The following PALLD variants were observed in gnomAD, a reference collection of about 807,000 sequenced individuals.
PALLD encodes the protein palladin, cytoskeletal associated protein.
In PALLD, 61 loss-of-function variants were observed where a neutral mutation model predicts 123.5. The observed-to-expected ratio is 0.49, with a 90% confidence interval of 0.40 to 0.61. The LOEUF (loss-of-function observed/expected upper bound fraction) is 0.61. Ranked by LOEUF, PALLD falls within the 20% of genes least tolerant of loss-of-function variation. PALLD has a pLI of 0.00. For missense variants in PALLD, 1,273 were observed against 1,377.0 expected, an observed-to-expected ratio of 0.92 and a Z score of 1.20; for synonymous variants, 465 against 496.4, an observed-to-expected ratio of 0.94 and a Z score of 0.84.
At chr4:168,846,255 GTCTCAAGTT>G (rs1746827387) in intron 10 of PALLD, among the ~76,000 whole-genome samples, 1 of 152,222 alleles carries the variant, frequency 6.6e-6, no homozygotes, top group African/African-American at 2.4e-5. Context: ...TCAAGGGGAA[GTCTCAAGTT>G]TTCTCATGTT....
At chr4:168,759,179 C>CAAAAAAAAAAAAA (rs1175955888) in intron 10 of PALLD, among the ~76,000 whole-genome samples, 1 of 9,050 alleles carries the variant, frequency 1.1e-4, no homozygotes, top group Non-Finnish European at 1.5e-4. Context: ...GACTCCATCT[C>CAAAAAAAAAAAAA]AAAAAAAAAA....
At position 168,903,871 on chromosome 4, in the gene PALLD, G is replaced by C. The variant is rs768268615; in HGVS notation, c.2587G>C (p.Asp863His). The C allele has an allele frequency of 6.2e-7, 1 of 1,614,050 alleles. No homozygotes were observed. Among genetic ancestry groups the C allele is most frequent in the South Asian group, 1.1e-5 (1 of 91,076 alleles). ...LHTTASTLDDDGNYTIMAANP... is the reference protein window; with the variant it reads ...LHTTASTLDDHGNYTIMAANP... ...TACCACAGCCTCCACCCTAGATGAT[G>C]ATGGGAATTATACAATTATGGCTGC... The change falls in exon 15 of 22, where the codon GAT (aspartate) becomes CAT (histidine). Residue 863 changes from aspartate to histidine, a missense_variant. By Grantham distance (81) the Asp-to-His change is moderately conservative. Around this residue, in one of 2 missense-constraint regions of PALLD, gnomAD observed 329 missense variants for 422.5 expected, o/e 0.78. Coordinates refer to ENST00000505667, the MANE Select transcript of PALLD (RefSeq NM_001166108.2).
At chr4:168,852,463 G>A (rs888993621) in intron 10 of PALLD, among the ~76,000 whole-genome samples, 3 of 152,140 alleles carry the variant, frequency 2.0e-5, no homozygotes, top group Admixed American at 6.5e-5. Flanking sequence ...ACAAGCCTGG[G>A]CAACATAGCT....
chr4:168,925,925 C>T (rs1049177203), intron 21 of PALLD, among the ~76,000 whole-genome samples: 2 of 151,140 alleles, frequency 1.3e-5, no homozygotes, highest in Non-Finnish European at 2.9e-5. Context: ...GGAAGCTTAT[C>T]AGCTATTCCA....
Position 168,924,955 on chromosome 4 carries a change from G to A in PALLD, c.3235G>A (p.Asp1079Asn). The change falls in exon 20 of 22, where the codon GAC (aspartate) becomes AAC (asparagine). Residue 1079 changes from aspartate (D) to asparagine (N), a missense_variant. Physicochemically the swap from Asp to Asn is conservative, Grantham distance 23 (BLOSUM62 1). Coordinates refer to ENST00000505667, the MANE Select transcript of PALLD (RefSeq NM_001166108.2). ...HSTDRVSMHQ[D>N]NHGYICLLIQ... The stretch of plus-strand genomic sequence containing the variant: ...TATCCTTTTCTCCAGCATGCACCAG[G>A]ACAACCACGGCTACATCTGCCTGCT... The A allele has an allele frequency of 6.2e-7, 1 of 1,613,996 alleles. No individual in the cohort carries two copies. The highest frequency in any genetic ancestry group is 8.5e-7 in the Non-Finnish European group (1 of 1,179,980).
chr4:168,667,668 A>T (rs1002182866), intron 2 of PALLD, among the ~76,000 whole-genome samples: 1 of 152,214 alleles, frequency 6.6e-6, no homozygotes, highest in African/African-American at 2.4e-5. Flanking sequence ...AAAGTTTTGT[A>T]AATATCAGAA....
chr4:168,552,317 T>G (rs532366659), intron 2 of PALLD, among the ~76,000 whole-genome samples: 2 of 152,146 alleles, frequency 1.3e-5, no homozygotes, highest in African/African-American at 4.8e-5. Flanking sequence ...ATTCATTTGG[T>G]TTTTTGAGTT....
At chr4:168,836,264 A>G (rs929337811) in intron 10 of PALLD, among the ~76,000 whole-genome samples, 1 of 152,222 alleles carries the variant, frequency 6.6e-6, no homozygotes. Context: ...TGGTAAGTGA[A>G]GATGGTGATT....
At chr4:168,843,239 A>G (rs924083247) in intron 10 of PALLD, among the ~76,000 whole-genome samples, 2 of 152,216 alleles carry the variant, frequency 1.3e-5, no homozygotes, top group Non-Finnish European at 2.9e-5. Flanking sequence ...TTTGGGAAAC[A>G]TGGGATGATT....
At chr4:168,914,938 C>T (rs1582143762) in intron 16 of PALLD, among the ~76,000 whole-genome samples, 1 of 151,966 alleles carries the variant, frequency 6.6e-6, no homozygotes, top group East Asian at 1.9e-4. Context: ...CATGGCAATA[C>T]CTATTCACAG....
intron 17 of PALLD, among the ~76,000 whole-genome samples, chr4:168,918,325 G>GATATATATATATAT (rs71588177): frequency 4.7e-5 from 7 of 149,558 alleles, no homozygotes; most frequent in East Asian, 3.9e-4. Context: ...GAAAATATGA[G>GATATATATATATAT]ATATATATAT....
chr4:168,911,712 A>G (rs1758991210), intron 15 of PALLD, among the ~76,000 whole-genome samples: 1 of 152,206 alleles, frequency 6.6e-6, no homozygotes, highest in East Asian at 1.9e-4. Flanking sequence ...GTTTGCCAAG[A>G]GTTTAGCATA....
intron 2 of PALLD, among the ~76,000 whole-genome samples, chr4:168,572,466 A>G (rs1278693801): frequency 1.3e-5 from 2 of 152,138 alleles, no homozygotes; most frequent in Admixed American, 6.6e-5. Context: ...TCACAGCGGT[A>G]GAAAAATATT....
intron 2 of PALLD, among the ~76,000 whole-genome samples, chr4:168,533,317 G>A (rs1469443478): frequency 6.6e-6 from 1 of 152,096 alleles, no homozygotes; most frequent in Non-Finnish European, 1.5e-5. Flanking sequence ...TACCTAATTA[G>A]AATGTTATTA....
intron 8 of PALLD, 31 bp downstream of exon 8, chr4:168,691,323 G>C: frequency 6.4e-7 from 1 of 1,553,528 alleles, no homozygotes; most frequent in African/African-American, 1.4e-5. Context: ...TTTTTTTTTG[G>C]TGGTGGGGGA....
intron 6 of PALLD, among the ~76,000 whole-genome samples, chr4:168,688,390 G>T (rs1387088076): frequency 6.6e-6 from 1 of 152,328 alleles, no homozygotes; most frequent in African/African-American, 2.4e-5. Flanking sequence ...GTGGACCACA[G>T]GACTGTGGGT....
At chr4:168,543,839 G>T (rs1765879923) in intron 2 of PALLD, among the ~76,000 whole-genome samples, 1 of 152,074 alleles carries the variant, frequency 6.6e-6, no homozygotes. Flanking sequence ...AGAGACATTA[G>T]TATCTTTGGG....
At chr4:168,552,349 T>C (rs1766824801) in intron 2 of PALLD, among the ~76,000 whole-genome samples, 1 of 152,136 alleles carries the variant, frequency 6.6e-6, no homozygotes, top group Non-Finnish European at 1.5e-5. Flanking sequence ...AGCAGGTATA[T>C]TTAAATGTGG....
chr4:168,642,894 C>T (rs1307552849), intron 2 of PALLD, among the ~76,000 whole-genome samples: 1 of 152,318 alleles, frequency 6.6e-6, no homozygotes, highest in East Asian at 1.9e-4. Context: ...ACATAAGTCT[C>T]CTGAGTGATT....
Sources: gnomAD v4.1 joint callset for allele counts (sites outside exome capture counted in the v4.1 genomes callset) on GRCh38, gnomAD v4.1.1 for gene constraint, gnomAD v4.1.1 regional missense constraint, MANE v1.5 for transcripts, NCBI Gene and HGNC (gene_info 2026-07-23, HGNC 2026-07-21) for gene names.